CNTNAP2: variants seen among roughly 807,000 people sequenced by gnomAD.
CNTNAP2 encodes contactin-associated protein-like 2.
CNTNAP2 carries 98 observed loss-of-function variants against 155.2 expected under a neutral mutation model. The ratio of observed to expected loss-of-function variants is 0.63; its 90% CI spans 0.54 to 0.75. CNTNAP2 has a LOEUF of 0.75. Among genes scored for constraint, CNTNAP2 ranks in the 30% least tolerant of loss-of-function variants. The pLI is 0.00. For missense variants in CNTNAP2, 1,727 were observed against 1,688.1 expected (o/e 1.02, Z -0.40); for synonymous variants, 651 against 631.2 (o/e 1.03, Z -0.47).
At chr7:147,654,813 T>C (rs1275504152) in intron 13 of CNTNAP2, among the ~76,000 whole-genome samples, 2 of 131,888 alleles carry the variant, frequency 1.5e-5, no homozygotes, top group Admixed American at 7.6e-5. Flanking sequence ...TATTTCTTTT[T>C]TTTTTTTTTT....
At chr7:146,538,409 C>T (rs1302357742) in intron 1 of CNTNAP2, among the ~76,000 whole-genome samples, 1 of 152,018 alleles carries the variant, frequency 6.6e-6, no homozygotes, top group Non-Finnish European at 1.5e-5. Context: ...ACCATGCATC[C>T]TAGAATCCAG....
intron 8 of CNTNAP2, among the ~76,000 whole-genome samples, chr7:147,182,937 T>C (rs895595937): frequency 3.9e-5 from 6 of 152,132 alleles, no homozygotes; most frequent in African/African-American, 1.4e-4. Flanking sequence ...TGAACTTATC[T>C]CCCAAGGATA....
At chr7:148,345,112 T>C (rs1463850014) in intron 21 of CNTNAP2, among the ~76,000 whole-genome samples, 4 of 151,990 alleles carry the variant, frequency 2.6e-5, no homozygotes, top group Non-Finnish European at 4.4e-5. Flanking sequence ...GCAGCAGGAA[T>C]TGGGACGTTT....
At chr7:146,672,291 C>T (rs183637040) in intron 1 of CNTNAP2, among the ~76,000 whole-genome samples, 38 of 152,314 alleles carry the variant, frequency 2.5e-4, no homozygotes, top group Admixed American at 2.1e-3. Flanking sequence ...TTCTTACACA[C>T]ATCTCAAAAT....
intron 13 of CNTNAP2, among the ~76,000 whole-genome samples, chr7:147,650,394 G>A (rs1026171417): frequency 6.6e-6 from 1 of 152,100 alleles, no homozygotes; most frequent in African/African-American, 2.4e-5. Context: ...AGTTTAAACT[G>A]TGAGGGTCTG....
At chr7:147,682,882 T>C (rs1470565166) in intron 13 of CNTNAP2, among the ~76,000 whole-genome samples, 1 of 151,860 alleles carries the variant, frequency 6.6e-6, no homozygotes, top group African/African-American at 2.4e-5. Context: ...GGCTTCGACT[T>C]TTTCATAAAG....
chr7:147,842,380 TTATA>T (rs1798758360), intron 13 of CNTNAP2, among the ~76,000 whole-genome samples: 3 of 152,180 alleles, frequency 2.0e-5, no homozygotes, highest in Admixed American at 2.0e-4. Context: ...AATCACAGTG[TTATA>T]TTTATTTCCA....
At chr7:147,611,220 C>T (rs1300864844) in intron 12 of CNTNAP2, among the ~76,000 whole-genome samples, 1 of 152,054 alleles carries the variant, frequency 6.6e-6, no homozygotes, top group Non-Finnish European at 1.5e-5. Context: ...ACTTAGCCTC[C>T]AAGTTTGAAT....
In CNTNAP2 at chr7:147,008,552, CAA is replaced by C. The variant is rs544213603; in HGVS notation, c.403-35352_403-35351del. ...AGATTAGTTAACAAAAGAAAACAAACAAAATAAAAAAAACAGGAGTTTTTTAA... is the reference window on the plus strand; with the variant it reads ...AGATTAGTTAACAAAAGAAAACAAACAATAAAAAAAACAGGAGTTTTTTAA... On this transcript the variant is annotated intron_variant, in intron 3 of 23. Coordinates refer to ENST00000361727, the MANE Select transcript of CNTNAP2 (RefSeq NM_014141.6). 3.3e-3 allele frequency among the ~76,000 whole-genome samples: 496 copies of C among 151,792 alleles called. 1 individual carries two copies. Among genetic ancestry groups the C allele is most frequent in the African/African-American group, 0.011 (471 of 41,418 alleles).
rs1804922606 is a variant in CNTNAP2, at chr7:147,277,489, G to T, written c.1349-22652G>T. On this transcript the variant is annotated intron_variant, in intron 8 of 23. Transcript: ENST00000361727. ...GAAACACCAAAATGAGAATTAAAAA[G>T]TCAGAATTTACTACTATTTGAACTC... Among the ~76,000 whole-genome samples the T allele has an allele frequency of 2.6e-5, 4 of 151,880 alleles. No homozygotes were observed. The South Asian group carries it at 8.3e-4, about 31-fold the overall frequency.
chr7:146,888,437 T>C (rs888828003), intron 3 of CNTNAP2, among the ~76,000 whole-genome samples: 1 of 152,196 alleles, frequency 6.6e-6, no homozygotes, highest in African/African-American at 2.4e-5. Flanking sequence ...TTTTACTCTA[T>C]CATTTCATAT....
chr7:147,875,157 A>G lies in CNTNAP2; in HGVS notation c.2099-28408A>G, dbSNP rs74381827. Among the ~76,000 whole-genome samples, 1,117 of 152,300 alleles carry G rather than the reference A, an allele frequency of 7.3e-3. 8 individuals are homozygous for G. Among genetic ancestry groups the G allele is most frequent in the Non-Finnish European group, 0.011 (734 of 68,022 alleles). ...TCACATTTTTAGGTATCTTTATATC[A>G]GTACACCATTTCCCGGTACCAATTT... On this transcript the variant is annotated intron_variant, in intron 13 of 23. Coordinates refer to ENST00000361727, the MANE Select transcript of CNTNAP2 (RefSeq NM_014141.6).
chr7:147,291,897 A>G (rs6464789), intron 8 of CNTNAP2, among the ~76,000 whole-genome samples: 151,124 of 152,256 alleles, frequency 0.99, 75,002 homozygotes, highest in East Asian at 1. Context: ...GTGCTTATGA[A>G]TAATTAATAG....
At chr7:147,302,206 A>G (rs1363393238) in intron 9 of CNTNAP2, among the ~76,000 whole-genome samples, 1 of 152,216 alleles carries the variant, frequency 6.6e-6, no homozygotes. Context: ...TCACAAATAG[A>G]TCACAGTTGT....
chr7:146,546,496 A>AGT (rs1470714565), intron 1 of CNTNAP2, among the ~76,000 whole-genome samples: 1 of 151,884 alleles, frequency 6.6e-6, no homozygotes, highest in Non-Finnish European at 1.5e-5. Flanking sequence ...CTGTAGGAGG[A>AGT]GTGAGGAAAT....
chr7:147,132,821 C>T (rs1478419801), intron 8 of CNTNAP2, among the ~76,000 whole-genome samples: 1 of 151,998 alleles, frequency 6.6e-6, no homozygotes, highest in African/African-American at 2.4e-5. Context: ...TGTTTAAAAA[C>T]AAGGAATGTT....
At chr7:148,140,516 C>T (rs555299433) in intron 16 of CNTNAP2, among the ~76,000 whole-genome samples, 2 of 151,982 alleles carry the variant, frequency 1.3e-5, no homozygotes, top group East Asian at 1.9e-4. Context: ...CTCCACCTCC[C>T]AGGTTCATGT....
intron 13 of CNTNAP2, among the ~76,000 whole-genome samples, chr7:147,876,821 G>T (rs1217077176): frequency 1.3e-5 from 2 of 152,122 alleles, no homozygotes; most frequent in African/African-American, 2.4e-5. Flanking sequence ...CCACAGAAAG[G>T]TGGGTCTGTG....
At chr7:147,339,554 AGG>A (rs1208332122) in intron 9 of CNTNAP2, among the ~76,000 whole-genome samples, 1 of 152,172 alleles carries the variant, frequency 6.6e-6, no homozygotes, top group Non-Finnish European at 1.5e-5. Context: ...ACTCAGCCTC[AGG>A]TATTCTGTTA....
Sources: allele counts gnomAD v4.1 joint callset (sites outside exome capture counted in the v4.1 genomes callset), GRCh38; gene constraint gnomAD v4.1.1; transcripts MANE v1.5; gene names NCBI Gene and HGNC (gene_info 2026-07-23, HGNC 2026-07-21).